The following SATL1 variants were observed in gnomAD, a reference collection of about 807,000 sequenced individuals.
SATL1 encodes spermidine/spermine N1-acetyl transferase like 1.
In SATL1, 47 loss-of-function variants were observed where a neutral mutation model predicts 51.8. That is an observed-to-expected ratio of 0.91 (90% CI 0.72 to 1.16). The LOEUF (loss-of-function observed/expected upper bound fraction) is 1.16. Among genes scored for constraint, SATL1 ranks in the 50% most tolerant of loss-of-function variants. The pLI, the probability that SATL1 is intolerant of heterozygous loss-of-function variation, is 0.00. For missense variants in SATL1, 520 were observed against 526.4 expected (o/e 0.99, Z 0.12); for synonymous variants, 176 against 182.4 (o/e 0.97, Z 0.28).
chrX:85,116,373 A>G lies in SATL1; in HGVS notation c.-312-7093T>C, dbSNP rs776255422. Reference sequence around the variant, plus strand: ...GCAGGCAACTTGAGAGATCAAGTACAGGGTTTGACTTTTGACTTGGGGTTT... The same window carrying G: ...GCAGGCAACTTGAGAGATCAAGTACGGGGTTTGACTTTTGACTTGGGGTTT... On this transcript the variant is annotated intron_variant, in intron 2 of 7. Coordinates refer to ENST00000644105, the MANE Select transcript of SATL1 (RefSeq NM_001367857.2). Among the ~76,000 whole-genome samples the G allele has an allele frequency of 2.7e-5, 3 of 112,052 alleles. No individual in the cohort carries two copies. In the South Asian group the frequency reaches 1.1e-3, roughly 42 times the overall value.
At chrX:85,211,670 T>C (rs1335956441) in intron 2 of SATL1, 1 of 111,427 alleles carries the variant, frequency 9.0e-6, no homozygotes, top group Non-Finnish European at 1.9e-5. Flanking sequence ...GAGTGGTGAC[T>C]GAAACGTATC....
In SATL1 at chrX:85,134,478, A is replaced by G. The variant is rs183670420; in HGVS notation, c.-312-25198T>C. 4.5e-4 allele frequency among the ~76,000 whole-genome samples: 50 copies of G among 111,596 alleles called. 1 individual carries two copies. In the East Asian group the frequency reaches 0.01, roughly 23 times the overall value. ...GCACTAGGGAGACAAGAAAATGAATAGACAAATCTCTGTTTTCAAGAGTCT... is the reference window on the plus strand; with the variant it reads ...GCACTAGGGAGACAAGAAAATGAATGGACAAATCTCTGTTTTCAAGAGTCT... On this transcript the variant is annotated intron_variant, in intron 2 of 7. Coordinates refer to ENST00000644105, the MANE Select transcript of SATL1 (RefSeq NM_001367857.2).
intron 2 of SATL1, among the ~76,000 whole-genome samples, chrX:85,109,949 G>T (rs1258273807): frequency 8.9e-6 from 1 of 111,973 alleles, no homozygotes; most frequent in Non-Finnish European, 1.9e-5. Context: ...GGTGGAGGTT[G>T]CAGTGAGCTG....
chrX:85,234,503 A>G (rs745850725), intron 1 of SATL1, among the ~76,000 whole-genome samples: 87 of 112,303 alleles, frequency 7.7e-4, no homozygotes, highest in African/African-American at 2.6e-3. Context: ...TTTTCAACAC[A>G]TAAGACAGTA....
chrX:85,129,443 T>C (rs1014469085), intron 2 of SATL1, among the ~76,000 whole-genome samples: 3 of 111,865 alleles, frequency 2.7e-5, no homozygotes, highest in African/African-American at 9.8e-5. Flanking sequence ...TTTGGCTCTC[T>C]GTTTGTCTGT....
At chrX:85,215,618 C>T (rs757693083) in intron 2 of SATL1, among the ~76,000 whole-genome samples, 17 of 112,551 alleles carry the variant, frequency 1.5e-4, no homozygotes, top group African/African-American at 5.2e-4. Context: ...GGTCATCACT[C>T]TTAAGTTCAG....
intron 4 of SATL1, 143 bp from the exon 5 acceptor site, chrX:85,095,139 G>C: frequency 2.3e-6 from 1 of 432,994 alleles, no homozygotes; most frequent in Admixed American, 3.5e-5. Flanking sequence ...TTGGAACTCT[G>C]GAGTTTATCT....
At chrX:85,176,429 G>A (rs1822879419) in intron 2 of SATL1, among the ~76,000 whole-genome samples, 2 of 111,421 alleles carry the variant, frequency 1.8e-5, no homozygotes, top group African/African-American at 6.5e-5. Flanking sequence ...AGTATAAATT[G>A]CAGTAGAAAA....
intron 5 of SATL1, among the ~76,000 whole-genome samples, chrX:85,094,654 T>C (rs951059316): frequency 9.0e-6 from 1 of 111,399 alleles, no homozygotes; most frequent in African/African-American, 3.3e-5. Context: ...GCTGAGACAC[T>C]TGAGCACAGG....
intron 2 of SATL1, among the ~76,000 whole-genome samples, chrX:85,155,210 C>T (rs745891367): frequency 1.8e-5 from 2 of 111,155 alleles, no homozygotes; most frequent in African/African-American, 6.5e-5. Flanking sequence ...TCCATATCAC[C>T]ATTTGACAGA....
chrX:85,179,359 AT>A (rs1028714284), intron 2 of SATL1, among the ~76,000 whole-genome samples: 3 of 111,705 alleles, frequency 2.7e-5, no homozygotes, highest in Admixed American at 9.5e-5. Context: ...TTTAAAAAAA[AT>A]ATCAGAATAG....
chrX:85,238,405 T>C (rs149799994), intron 1 of SATL1, among the ~76,000 whole-genome samples: 1 of 111,865 alleles, frequency 8.9e-6, no homozygotes, highest in African/African-American at 3.2e-5. Context: ...TCCTGTCATT[T>C]GCAACAACAT....
chrX:85,239,215 T>G (rs765377265), intron 1 of SATL1, among the ~76,000 whole-genome samples: 143 of 111,786 alleles, frequency 1.3e-3, no homozygotes, highest in African/African-American at 4.4e-3. Flanking sequence ...ATATTCAAAC[T>G]GCTTATAACT....
chrX:85,173,014 T>C (rs1927004388), intron 2 of SATL1, among the ~76,000 whole-genome samples: 1 of 111,759 alleles, frequency 8.9e-6, no homozygotes. Context: ...TCAAATTTTC[T>C]AGAATTATTT....
At chrX:85,140,641 TC>T (rs1404621699) in intron 2 of SATL1, among the ~76,000 whole-genome samples, 1 of 112,100 alleles carries the variant, frequency 8.9e-6, no homozygotes, top group Non-Finnish European at 1.9e-5. Flanking sequence ...CACACTGAAT[TC>T]CCCCTTATAC....
At chrX:85,152,457 C>T (rs371005146) in intron 2 of SATL1, among the ~76,000 whole-genome samples, 3 of 111,736 alleles carry the variant, frequency 2.7e-5, no homozygotes, top group African/African-American at 9.7e-5. Flanking sequence ...CCCAGCCATC[C>T]CATTACTGGG....
intron 2 of SATL1, among the ~76,000 whole-genome samples, chrX:85,111,863 A>T (rs1925268192): frequency 8.9e-6 from 1 of 111,790 alleles, no homozygotes; most frequent in Admixed American, 9.6e-5. Flanking sequence ...TGTAGGTGCT[A>T]AGTAAAATCC....
intron 2 of SATL1, among the ~76,000 whole-genome samples, chrX:85,123,249 C>A (rs1297828305): frequency 4.5e-5 from 5 of 111,641 alleles, no homozygotes; most frequent in African/African-American, 6.5e-5. Flanking sequence ...AAACTGCTTT[C>A]TACAGTGGCT....
intron 4 of SATL1, among the ~76,000 whole-genome samples, chrX:85,103,269 C>T (rs1343269059): frequency 9.0e-6 from 1 of 111,284 alleles, no homozygotes; most frequent in African/African-American, 3.3e-5. Context: ...ATAGTGAAAC[C>T]ATTTATCTCC....
Sources: allele counts gnomAD v4.1 joint callset (sites outside exome capture counted in the v4.1 genomes callset), GRCh38; gene constraint gnomAD v4.1.1; transcripts MANE v1.5; gene names NCBI Gene and HGNC (gene_info 2026-07-23, HGNC 2026-07-21).